The following ENTREP2 variants were observed in gnomAD, a reference collection of about 807,000 sequenced individuals.
The protein encoded by ENTREP2 is protein ENTREP2.
At chr15:29,367,493 T>C in the ENTREP2 span, among the ~76,000 whole-genome samples, 1 of 152,132 alleles carries the variant, frequency 6.6e-6, no homozygotes, top group African/African-American at 2.4e-5. Flanking sequence ...TAGATAATAG[T>C]TGGGGCAAAC....
At chr15:29,257,437 A>G in the ENTREP2 span, among the ~76,000 whole-genome samples, 1 of 152,136 alleles carries the variant, frequency 6.6e-6, no homozygotes, top group Non-Finnish European at 1.5e-5. Context: ...GTCCTTTGCT[A>G]TTTATTATAA....
At chr15:29,126,991 C>G in the ENTREP2 span, among the ~76,000 whole-genome samples, 3 of 152,070 alleles carry the variant, frequency 2.0e-5, no homozygotes, top group Non-Finnish European at 2.9e-5. Context: ...GCCACGCCAG[C>G]AGCAGCAGCA....
the ENTREP2 span, among the ~76,000 whole-genome samples, chr15:29,138,975 T>G: frequency 1.3e-5 from 2 of 151,986 alleles, no homozygotes; most frequent in African/African-American, 2.4e-5. Context: ...GCTCTGGAAG[T>G]CAATTCTTAA....
chr15:29,604,969 C>T, the ENTREP2 span, among the ~76,000 whole-genome samples: 4 of 152,182 alleles, frequency 2.6e-5, no homozygotes, highest in African/African-American at 7.2e-5. Context: ...TGACACAAAC[C>T]GTGGTATTTA....
chr15:29,186,408 C>CA, the ENTREP2 span, among the ~76,000 whole-genome samples: 7 of 152,180 alleles, frequency 4.6e-5, no homozygotes, highest in South Asian at 2.1e-4. Context: ...TCACAGCTGC[C>CA]AAAAAACTCC....
At chr15:29,482,443 C>A in the ENTREP2 span, among the ~76,000 whole-genome samples, 1 of 152,146 alleles carries the variant, frequency 6.6e-6, no homozygotes, top group Non-Finnish European at 1.5e-5. Flanking sequence ...CGTGTATCCA[C>A]CATTGTAGTA....
the ENTREP2 span, among the ~76,000 whole-genome samples, chr15:29,155,139 G>A: frequency 1.3e-3 from 196 of 151,984 alleles, 2 homozygotes; most frequent in Non-Finnish European, 4.9e-4. Context: ...AAAATTAGTC[G>A]GGCGTGGTGG....
the ENTREP2 span, among the ~76,000 whole-genome samples, chr15:29,158,949 T>C: frequency 6.0e-5 from 9 of 150,872 alleles, no homozygotes; most frequent in Non-Finnish European, 1.2e-4. Flanking sequence ...TGGATATTAA[T>C]AATAAGATTA....
At chr15:29,125,277 C>G in the ENTREP2 span, among the ~76,000 whole-genome samples, 2 of 152,180 alleles carry the variant, frequency 1.3e-5, no homozygotes, top group Non-Finnish European at 2.9e-5. Context: ...AGAGAGGTTC[C>G]GGAGCTCAAG....
the ENTREP2 span, among the ~76,000 whole-genome samples, chr15:29,639,158 G>A: frequency 2.5e-4 from 38 of 152,184 alleles, no homozygotes; most frequent in African/African-American, 9.2e-4. Flanking sequence ...CTGAGCATCT[G>A]CAGAGTCCCA....
the ENTREP2 span, among the ~76,000 whole-genome samples, chr15:29,345,902 C>G: frequency 2.6e-5 from 4 of 152,200 alleles, no homozygotes; most frequent in Non-Finnish European, 5.9e-5. Flanking sequence ...TCGCAGCGGA[C>G]ATTTATTACC....
chr15:29,397,225 A>G, the ENTREP2 span, among the ~76,000 whole-genome samples: 1 of 152,026 alleles, frequency 6.6e-6, no homozygotes, highest in Non-Finnish European at 1.5e-5. Context: ...ACCTGTCTCC[A>G]CTAAAAATAC....
chr15:29,448,747 G>T, the ENTREP2 span, among the ~76,000 whole-genome samples: 1 of 152,214 alleles, frequency 6.6e-6, no homozygotes, highest in Non-Finnish European at 1.5e-5. Context: ...CACATCGGTA[G>T]AGATGGAAAT....
chr15:29,219,878 G>C, the ENTREP2 span, among the ~76,000 whole-genome samples: 1 of 151,674 alleles, frequency 6.6e-6, no homozygotes, highest in South Asian at 2.1e-4. Flanking sequence ...AAGTAGGAAG[G>C]GGGTGAGGGA....
At chr15:29,380,581 T>C in the ENTREP2 span, among the ~76,000 whole-genome samples, 3 of 152,100 alleles carry the variant, frequency 2.0e-5, no homozygotes, top group South Asian at 2.1e-4. Flanking sequence ...TACAAATCAA[T>C]AGACACAAAT....
At chr15:29,536,477 G>C in the ENTREP2 span, among the ~76,000 whole-genome samples, 1 of 151,866 alleles carries the variant, frequency 6.6e-6, no homozygotes, top group Admixed American at 6.6e-5. Context: ...GGTGACATAC[G>C]CCTGTAATCC....
chr15:29,556,951 C>G, the ENTREP2 span, among the ~76,000 whole-genome samples: 10 of 152,204 alleles, frequency 6.6e-5, no homozygotes, highest in African/African-American at 2.4e-4. Context: ...ATATTCCGCC[C>G]TGAAACACCT....
At chr15:29,569,349 A>C in the ENTREP2 span, among the ~76,000 whole-genome samples, 1 of 152,256 alleles carries the variant, frequency 6.6e-6, no homozygotes, top group African/African-American at 2.4e-5. Flanking sequence ...TTATGGTAAA[A>C]GCCATGCAAT....
the ENTREP2 span, among the ~76,000 whole-genome samples, chr15:29,297,286 A>G: frequency 0.16 from 24,685 of 152,178 alleles, 3,363 homozygotes; most frequent in African/African-American, 0.38. Flanking sequence ...TGGAAAGCTC[A>G]CACTGGCCAA....
Sources: allele counts gnomAD v4.1 joint callset (sites outside exome capture counted in the v4.1 genomes callset), GRCh38; gene constraint gnomAD v4.1.1; transcripts MANE v1.5; gene names NCBI Gene and HGNC (gene_info 2026-07-23, HGNC 2026-07-21).